The following RBFOX3 variants were observed in gnomAD, a reference collection of about 807,000 sequenced individuals.
The protein encoded by RBFOX3 is RNA binding fox-1 homolog 3, also known as RNA binding protein fox-1 homolog 3.
A neutral mutation model predicts 48.7 loss-of-function variants in RBFOX3; 17 were observed. That is an observed-to-expected ratio of 0.35 (90% CI 0.24 to 0.52). RBFOX3 has a LOEUF of 0.52. Ranked by LOEUF, RBFOX3 falls within the 20% of genes least tolerant of loss-of-function variation. The probability of loss-of-function intolerance (pLI) is 0.94; values close to 1 mark genes in which losing one functional copy is unlikely to be tolerated. For missense variants in RBFOX3, 382 were observed against 497.5 expected, an observed-to-expected ratio of 0.77 and a Z score of 2.21; for synonymous variants, 212 against 209.5, an observed-to-expected ratio of 1.01 and a Z score of -0.10.
At chr17:79,341,836 C>A (rs1251768547) in intron 2 of RBFOX3, among the ~76,000 whole-genome samples, 1 of 152,246 alleles carries the variant, frequency 6.6e-6, no homozygotes. Context: ...CAAGCCAGGG[C>A]TAAGGGAAAA....
chr17:79,092,289 C>A, intron 14 of RBFOX3: 1 of 985,502 alleles, frequency 1.0e-6, no homozygotes, highest in Non-Finnish European at 1.2e-6. Context: ...CTGGACCCCA[C>A]GGTGTGCACA....
chr17:79,524,926 G>C (rs946690343), intron 1 of RBFOX3, among the ~76,000 whole-genome samples: 58 of 152,252 alleles, frequency 3.8e-4, no homozygotes, highest in Middle Eastern at 6.8e-3. Flanking sequence ...GGCCCTGTTT[G>C]GTTCTGTCCC....
the RBFOX3 span, among the ~76,000 whole-genome samples, chr17:79,635,219 C>T: frequency 2.0e-5 from 3 of 151,918 alleles, no homozygotes; most frequent in African/African-American, 4.8e-5. Flanking sequence ...CTCAGGGATG[C>T]CTGGTTAAGG....
chr17:79,149,583 A>C (rs1379002184), intron 4 of RBFOX3, among the ~76,000 whole-genome samples: 1 of 151,934 alleles, frequency 6.6e-6, no homozygotes, highest in East Asian at 1.9e-4. Context: ...TCCGTGGACG[A>C]TTCCTCCTTC....
intron 4 of RBFOX3, among the ~76,000 whole-genome samples, chr17:79,164,179 G>A (rs2047530309): frequency 6.6e-6 from 1 of 152,220 alleles, no homozygotes; most frequent in African/African-American, 2.4e-5. Context: ...GCCTCTGGGA[G>A]GGGTGGGCAT....
the RBFOX3 span, among the ~76,000 whole-genome samples, chr17:79,623,736 C>T: frequency 1.4e-4 from 21 of 151,470 alleles, no homozygotes; most frequent in East Asian, 3.1e-3. Flanking sequence ...GCAGGAGAAT[C>T]GCTTGAACCC....
At chr17:79,579,682 G>A (rs1054125455) in intron 1 of RBFOX3, among the ~76,000 whole-genome samples, 6 of 151,976 alleles carry the variant, frequency 3.9e-5, no homozygotes, top group Middle Eastern at 3.4e-3. Flanking sequence ...ACTGAGACTC[G>A]GCACCATGGT....
intron 4 of RBFOX3, among the ~76,000 whole-genome samples, chr17:79,180,080 T>G (rs1412823013): frequency 6.6e-6 from 1 of 152,186 alleles, no homozygotes; most frequent in African/African-American, 2.4e-5. Flanking sequence ...TGGTGTCAGA[T>G]GATCCGAAAT....
At chr17:79,164,092 A>G (rs952257146) in intron 4 of RBFOX3, among the ~76,000 whole-genome samples, 3 of 152,202 alleles carry the variant, frequency 2.0e-5, no homozygotes, top group Non-Finnish European at 4.4e-5. Context: ...AGGGTTCGGA[A>G]AAGGGTGAGA....
At chr17:79,115,060 C>G (rs1001788228) in intron 5 of RBFOX3, among the ~76,000 whole-genome samples, 1 of 152,212 alleles carries the variant, frequency 6.6e-6, no homozygotes, top group African/African-American at 2.4e-5. Context: ...CGAGGCAGCT[C>G]GGAGGGCCCT....
intron 4 of RBFOX3, among the ~76,000 whole-genome samples, chr17:79,153,667 G>A (rs1056652850): frequency 2.6e-5 from 4 of 152,150 alleles, no homozygotes; most frequent in East Asian, 3.9e-4. Context: ...CTTGCTGCAC[G>A]GACATTATAC....
chr17:79,462,959 G>A (rs1407740533), intron 2 of RBFOX3, among the ~76,000 whole-genome samples: 4 of 151,876 alleles, frequency 2.6e-5, no homozygotes, highest in African/African-American at 9.7e-5. Flanking sequence ...CGATTGCCCT[G>A]TTGCCACTGC....
intron 2 of RBFOX3, among the ~76,000 whole-genome samples, chr17:79,322,398 G>A (rs574253578): frequency 9.8e-5 from 15 of 152,304 alleles, no homozygotes; most frequent in African/African-American, 3.6e-4. Context: ...CACAGGTGGG[G>A]TGCCCAGGCA....
chr17:79,333,153 C>G (rs1380284967), intron 2 of RBFOX3, among the ~76,000 whole-genome samples: 1 of 152,098 alleles, frequency 6.6e-6, no homozygotes. Context: ...AGGGGAGACC[C>G]TGCCAGCCTT....
At chr17:79,415,003 C>T (rs963696861) in intron 2 of RBFOX3, among the ~76,000 whole-genome samples, 11 of 152,196 alleles carry the variant, frequency 7.2e-5, no homozygotes, top group African/African-American at 2.7e-4. Flanking sequence ...GTCTGTTCCC[C>T]AGGGCAGCCT....
At chr17:79,476,737 C>T (rs2077821312) in intron 2 of RBFOX3, among the ~76,000 whole-genome samples, 1 of 152,062 alleles carries the variant, frequency 6.6e-6, no homozygotes, top group African/African-American at 2.4e-5. Flanking sequence ...TAGGCAGAGG[C>T]AGGGTGGCAG....
At chr17:79,283,744 G>C (rs1255775855) in intron 3 of RBFOX3, among the ~76,000 whole-genome samples, 1 of 152,248 alleles carries the variant, frequency 6.6e-6, no homozygotes, top group Non-Finnish European at 1.5e-5. Flanking sequence ...CCATCATGCA[G>C]AGCGGTTAGT....
intron 2 of RBFOX3, among the ~76,000 whole-genome samples, chr17:79,388,301 G>T (rs189461969): frequency 6.6e-6 from 1 of 152,114 alleles, no homozygotes; most frequent in Non-Finnish European, 1.5e-5. Flanking sequence ...CAAGGAGTTG[G>T]GCCCTTCCAG....
intron 3 of RBFOX3, among the ~76,000 whole-genome samples, chr17:79,274,987 G>A (rs1414167591): frequency 3.6e-5 from 1 of 27,682 alleles, no homozygotes; most frequent in Admixed American, 5.4e-4. Flanking sequence ...CCCCACCCCC[G>A]TCCCACCTCC....
Sources: allele counts gnomAD v4.1 joint callset (sites outside exome capture counted in the v4.1 genomes callset), GRCh38; gene constraint gnomAD v4.1.1; transcripts MANE v1.5; gene names NCBI Gene and HGNC (gene_info 2026-07-23, HGNC 2026-07-21).